Variants in PHKG2 observed in about 807,000 individuals in gnomAD.
PHKG2 encodes phosphorylase b kinase gamma catalytic chain, liver/testis isoform.
In PHKG2, 28 loss-of-function variants were observed where a neutral mutation model predicts 44.5. That is an observed-to-expected ratio of 0.63 (90% CI 0.47 to 0.86). The LOEUF is 0.86. Ranked by LOEUF, PHKG2 falls within the 40% of genes least tolerant of loss-of-function variation. The pLI is 0.00. For synonymous variants in PHKG2, 220 were observed against 211.2 expected (o/e 1.04, Z -0.36); for missense variants, 498 against 547.5 (o/e 0.91, Z 0.90).
chr16:30,756,313 CT>C (rs2053425489), intron 7 of PHKG2, 41 bp downstream of exon 7: 1 of 1,614,114 alleles, frequency 6.2e-7, no homozygotes, highest in Non-Finnish European at 8.5e-7. Flanking sequence ...GCTTGCTGTC[CT>C]TTGCTGGGTC....
rs2053550740 is a variant in PHKG2, at chr16:30,758,909, ACT to A, written c.*1815_*1816del. 1 of 1,525,940 alleles carries A rather than the reference ACT, an allele frequency of 6.6e-7. No individual in the cohort carries two copies. Among genetic ancestry groups the A allele is most frequent in the Non-Finnish European group, 8.8e-7 (1 of 1,140,936 alleles). 94.5% of individuals were successfully genotyped at this position (1,525,940 alleles called of 1,614,324 possible). ...GCATAAGGGATCATTTAGAGAAAGG[ACT>A]CTGACTAAAAACAAAAAGTCTGAAG... On this transcript the variant is annotated 3_prime_UTR_variant, in exon 10 of 10. Transcript: ENST00000563588.
rs1188113932 is a variant in PHKG2, at chr16:30,758,521, A to G, written c.*1424A>G. 4 of 194,488 alleles carry G rather than the reference A, an allele frequency of 2.1e-5. No individual in the cohort carries two copies. The highest frequency in any genetic ancestry group is 1.1e-4 in the Admixed American group (2 of 18,742). The allele number at this position is 194,488 out of a possible 1,614,324, so 12.0% of individuals were successfully genotyped here. ...CACCGTCATTGGCTTTCTAATGATC[A>G]TTTCTCTGGAGCCACTTCAGCTGTG... On this transcript the variant is annotated 3_prime_UTR_variant, in exon 10 of 10. Transcript: ENST00000563588.
At position 30,751,126 on chromosome 16, in the gene PHKG2, G is replaced by A. The variant is rs373732367; in HGVS notation, c.116G>A (p.Arg39His). The change falls in exon 3 of 10, where the codon CGC becomes CAC. Residue 39 changes from arginine to histidine, a missense_variant. Transcript: ENST00000563588. Reference sequence around the variant, plus strand: ...TGCAGAGGAGTGAGCTCTGTGGTCCGCCGTTGTGTTCATCGAGCTACTGGC... The same window carrying A: ...TGCAGAGGAGTGAGCTCTGTGGTCCACCGTTGTGTTCATCGAGCTACTGGC... Reference protein sequence around the residue: ...VIGRGVSSVVRRCVHRATGHE... With the variant: ...VIGRGVSSVVHRCVHRATGHE... 9.9e-6 allele frequency: 16 copies of A among 1,613,586 alleles called. No homozygotes were observed. Among genetic ancestry groups the A allele is most frequent in the Middle Eastern group, 1.6e-4 (1 of 6,084 alleles).
intron 3 of PHKG2, 93 bp from the exon 4 acceptor site, chr16:30,751,456 C>T (rs2053342678): frequency 7.6e-7 from 1 of 1,316,578 alleles, no homozygotes. Flanking sequence ...TTCCCAGTAA[C>T]AGCCCGCTGC....
In PHKG2 at chr16:30,757,202, A is replaced by AT; in HGVS notation, c.*106dup. On this transcript the variant is annotated 3_prime_UTR_variant, in exon 10 of 10. Transcript: ENST00000563588. ...GCCTCTGGCCTCAGGCCCACTAATG[A>AT]TCCTGCTACCCTCTTGAAGACCAGC... The AT allele has an allele frequency of 6.3e-7, 1 of 1,595,648 alleles. No individual in the cohort carries two copies. Among genetic ancestry groups the AT allele is most frequent in the East Asian group, 2.2e-5 (1 of 44,662 alleles).
In PHKG2 at chr16:30,759,170, T is replaced by C. The variant is rs1419666997; in HGVS notation, c.*2073T>C. 1 of 1,614,142 alleles carries C rather than the reference T, an allele frequency of 6.2e-7. No homozygotes were observed. Among genetic ancestry groups the C allele is most frequent in the South Asian group, 1.1e-5 (1 of 91,086 alleles). ...CCAGCCCAGCCCTGCCCTGGCACTCTCCCTTACCCGTCTCACTCTCTGGCC... is the reference window on the plus strand; with the variant it reads ...CCAGCCCAGCCCTGCCCTGGCACTCCCCCTTACCCGTCTCACTCTCTGGCC... On this transcript the variant is annotated 3_prime_UTR_variant, in exon 10 of 10. Transcript: ENST00000563588.
In PHKG2 at chr16:30,760,658, C is replaced by G. The variant is rs909555780; in HGVS notation, c.*3561C>G. Reference sequence around the variant, plus strand: ...TCCAGCTGGTGCATGGAATGGACGTCCAGGTACTTCCTGTTATAGTAAAAG... The same window carrying G: ...TCCAGCTGGTGCATGGAATGGACGTGCAGGTACTTCCTGTTATAGTAAAAG... On this transcript the variant is annotated 3_prime_UTR_variant, in exon 10 of 10. Transcript: ENST00000563588. 5 of 1,549,084 alleles carry G rather than the reference C, an allele frequency of 3.2e-6. No individual in the cohort carries two copies. Among genetic ancestry groups the G allele is most frequent in the Non-Finnish European group, 3.5e-6 (4 of 1,147,444 alleles).
In PHKG2 at chr16:30,759,073, C is replaced by A; in HGVS notation, c.*1976C>A. 1 of 1,614,236 alleles carries A rather than the reference C, an allele frequency of 6.2e-7. No homozygotes were observed. The highest frequency in any genetic ancestry group is 8.5e-7 in the Non-Finnish European group (1 of 1,180,044). On this transcript the variant is annotated 3_prime_UTR_variant, in exon 10 of 10. Transcript: ENST00000563588. ...CCTCTTTCTGCGGGGTAACTGCCTGCTCCTCCATCTCCTTGCTTTCTTCTT... is the reference window on the plus strand; with the variant it reads ...CCTCTTTCTGCGGGGTAACTGCCTGATCCTCCATCTCCTTGCTTTCTTCTT...
chr16:30,757,719 C>T lies in PHKG2; in HGVS notation c.*622C>T, dbSNP rs1301831349. On this transcript the variant is annotated 3_prime_UTR_variant, in exon 10 of 10. Coordinates refer to ENST00000563588, the MANE Select transcript of PHKG2 (RefSeq NM_000294.3). The stretch of plus-strand genomic sequence containing the variant: ...GCTGTCTGGCAATGGGGGGATGGTC[C>T]CTAGTTGGGCAAACAGTCCCCAAAT... 3.3e-6 allele frequency: 5 copies of T among 1,523,796 alleles called. No individual in the cohort carries two copies. The highest frequency in any genetic ancestry group is 4.4e-6 in the Non-Finnish European group (5 of 1,137,314). 94.4% of individuals were successfully genotyped at this position (1,523,796 alleles called of 1,614,324 possible). A position where few individuals can be genotyped will look rare whatever the true frequency, so the allele number is the denominator to read the frequency against.
chr16:30,751,223 G>T lies in PHKG2; in HGVS notation c.213G>T (p.Arg71=). 6.2e-7 allele frequency: 1 copy of T among 1,613,416 alleles called. No individual in the cohort carries two copies. The highest frequency in any genetic ancestry group is 1.1e-5 in the South Asian group (1 of 91,088). Residue 71 remains arginine (R), a synonymous_variant, in exon 3 of 10, where the codon CGG becomes CGT. Transcript: ENST00000563588. Reference sequence around the variant, plus strand: ...GTCCTGAGCAGCTGGAGGAGGTGCGGGAAGCCACACGGCGAGAGACACACA... The same window carrying T: ...GTCCTGAGCAGCTGGAGGAGGTGCGTGAAGCCACACGGCGAGAGACACACA... ...RLSPEQLEEV[R]EATRRETHIL...
rs376356248 is a variant in PHKG2 at position 30,756,539 on chromosome 16, G to A, written c.801+19G>A. The A allele has an allele frequency of 5.0e-6, 8 of 1,612,622 alleles. No homozygotes were observed. In the African/African-American group the frequency reaches 1.1e-4, roughly 22 times the overall value. ...AGACCTGGTGAGCGGGGGCTGAGAG[G>A]ACAGTAGGGGAGGCCCAAGAGCTGC... On this transcript the variant is annotated intron_variant, in intron 8 of 9. Coordinates refer to ENST00000563588, the MANE Select transcript of PHKG2 (RefSeq NM_000294.3).
chr16:30,750,285 C>A (rs770703575), intron 2 of PHKG2, among the ~76,000 whole-genome samples: 1 of 152,204 alleles, frequency 6.6e-6, no homozygotes, highest in Non-Finnish European at 1.5e-5. Flanking sequence ...CAATAGTTTA[C>A]ATCCCTTGAT....
chr16:30,748,482 C>T lies in PHKG2; in HGVS notation c.-27C>T, dbSNP rs1285354299. The T allele has an allele frequency of 1.6e-5, 6 of 377,610 alleles. No homozygotes were observed. Among genetic ancestry groups the T allele is most frequent in the Non-Finnish European group, 2.9e-5 (6 of 206,092 alleles). The allele number at this position is 377,610 out of a possible 1,614,324, so 23.4% of individuals were successfully genotyped here. A position where few individuals can be genotyped will look rare whatever the true frequency, so the allele number is the denominator to read the frequency against. On this transcript the variant is annotated 5_prime_UTR_variant, in exon 1 of 10. Coordinates refer to ENST00000563588, the MANE Select transcript of PHKG2 (RefSeq NM_000294.3). ...GCGTCGACCCTGGCTCCTCTGCCTG[C>T]CCCCTCAGGTGAGCCTGCGCTAGAC...
rs2053301843 is a variant in PHKG2 at position 30,749,103 on chromosome 16, CTGCTGCTGG to C, written c.95+191_95+199del. Among the ~76,000 whole-genome samples, 4 of 16,076 alleles carry C rather than the reference CTGCTGCTGG, an allele frequency of 2.5e-4. 1 individual carries two copies. Among genetic ancestry groups the C allele is most frequent in the African/African-American group, 7.1e-4 (4 of 5,634 alleles). The allele number at this position is 16,076 out of a possible 152,430, so 10.5% of individuals were successfully genotyped here. ...GGTGGTGGTGGTGCTGCTGCTGCTG[CTGCTGCTGG>C]TGGTGCTGGTGCTGGTGGTGGTGGT... On this transcript the variant is annotated intron_variant, in intron 2 of 9. Transcript: ENST00000563588.
At chr16:30,755,152 G>C (rs573362353) in intron 6 of PHKG2, 2 of 314,404 alleles carry the variant, frequency 6.4e-6, no homozygotes, top group East Asian at 1.6e-4. Flanking sequence ...TGAAGGAGGA[G>C]GCTCACTTGA....
Position 30,757,447 on chromosome 16 carries a change from C to G in PHKG2, c.*350C>G. ...GTGCAGGGATGGTGCCATTCTGGCC[C>G]AGACCTTTATTGGGGAAAATGTTGG... On this transcript the variant is annotated 3_prime_UTR_variant, in exon 10 of 10. Transcript: ENST00000563588. 4 of 1,601,984 alleles carry G rather than the reference C, an allele frequency of 2.5e-6. No individual in the cohort carries two copies. Among genetic ancestry groups the G allele is most frequent in the Non-Finnish European group, 3.4e-6 (4 of 1,172,712 alleles).
rs1289486660 is a variant in PHKG2 at position 30,757,691 on chromosome 16, G to GA, written c.*595dup. ...GGGAAGAAGGGGCAGGGTGAGGAGA[G>GA]ATGCTGTCTGGCAATGGGGGGATGG... On this transcript the variant is annotated 3_prime_UTR_variant, in exon 10 of 10. Coordinates refer to ENST00000563588, the MANE Select transcript of PHKG2 (RefSeq NM_000294.3). 1 of 1,574,134 alleles carries GA rather than the reference G, an allele frequency of 6.4e-7. No homozygotes were observed. Among genetic ancestry groups the GA allele is most frequent in the Non-Finnish European group, 8.6e-7 (1 of 1,158,112 alleles).
In PHKG2 at chr16:30,756,899, T is replaced by C. The variant is rs760917040; in HGVS notation, c.1023T>C (p.Tyr341=). The C allele has an allele frequency of 4.3e-6, 7 of 1,614,128 alleles. No homozygotes were observed. Among genetic ancestry groups the C allele is most frequent in the East Asian group, 2.2e-5 (1 of 44,890 alleles). The part of the protein sequence containing the change: ...LTKNALLRDP[Y]ALRSVRHLID... ...AGAATGCACTGTTGAGGGACCCTTA[T>C]GCGCTGCGGTCAGTGCGGCACCTCA... The change falls in exon 10 of 10, where the codon TAT becomes TAC. Residue 341 remains tyrosine, a synonymous_variant. Coordinates refer to ENST00000563588, the MANE Select transcript of PHKG2 (RefSeq NM_000294.3).
rs577239921 is a variant in PHKG2, at chr16:30,755,543, G to A, written c.557-639G>A. 1.4e-4 allele frequency among the ~76,000 whole-genome samples: 22 copies of A among 152,210 alleles called. No homozygotes were observed. The South Asian group carries it at 4.4e-3, about 30-fold the overall frequency. On this transcript the variant is annotated intron_variant, in intron 6 of 9. Transcript: ENST00000563588. ...TTCAAAAAATTAGCCAGGCGTGGTGGCACGTGCCTGTAATCCCAGCTACTC... is the reference window on the plus strand; with the variant it reads ...TTCAAAAAATTAGCCAGGCGTGGTGACACGTGCCTGTAATCCCAGCTACTC...
Sources: allele counts gnomAD v4.1 joint callset (sites outside exome capture counted in the v4.1 genomes callset), GRCh38; gene constraint gnomAD v4.1.1; transcripts MANE v1.5; gene names NCBI Gene and HGNC (gene_info 2026-07-23, HGNC 2026-07-21).